The following NALCN variants were observed in gnomAD, a reference collection of about 807,000 sequenced individuals.
NALCN encodes sodium leak channel, non-selective.
A neutral mutation model predicts 225.3 loss-of-function variants in NALCN; 111 were observed. The observed-to-expected ratio is 0.49, with a 90% CI of 0.42 to 0.58. NALCN has a LOEUF of 0.58. Among genes scored for constraint, NALCN ranks in the 20% least tolerant of loss-of-function variants. NALCN has a pLI of 0.00. For synonymous variants in NALCN, 764 were observed against 769.0 expected (o/e 0.99, Z 0.11); for missense variants, 1,378 against 2,202.4 (o/e 0.63, Z 7.49).
intron 6 of NALCN, among the ~76,000 whole-genome samples, chr13:101,372,647 A>T (rs2139405531): frequency 6.6e-6 from 1 of 152,298 alleles, no homozygotes; most frequent in East Asian, 1.9e-4. Context: ...AATAATAAAA[A>T]TACAACATAT....
chr13:101,378,898 A>AT lies in NALCN; in HGVS notation c.292-246dup, dbSNP rs139408630. Among the ~76,000 whole-genome samples, 152 of 150,584 alleles carry AT rather than the reference A, an allele frequency of 1.0e-3. 1 individual carries two copies. The highest frequency in any genetic ancestry group is 1.7e-3 in the Non-Finnish European group (117 of 67,580). ...ATTCATGCAAAGGGAAAATATCACT[A>AT]TTTTTTTTTTCTCAGCCACACAAAT... On this transcript the variant is annotated intron_variant, in intron 3 of 43. Transcript: ENST00000251127.
At chr13:101,198,709 C>T (rs2039990040) in intron 13 of NALCN, among the ~76,000 whole-genome samples, 1 of 152,156 alleles carries the variant, frequency 6.6e-6, no homozygotes, top group South Asian at 2.1e-4. Flanking sequence ...CAAACTAGTT[C>T]AACCATTGTG....
intron 13 of NALCN, among the ~76,000 whole-genome samples, chr13:101,221,546 G>A (rs1223784633): frequency 6.6e-6 from 1 of 152,168 alleles, no homozygotes; most frequent in African/African-American, 2.4e-5. Flanking sequence ...TTTAGAGACA[G>A]CCATCACTAT....
chr13:101,114,934 G>A (rs748471164), intron 18 of NALCN, among the ~76,000 whole-genome samples: 9 of 152,118 alleles, frequency 5.9e-5, no homozygotes, highest in Middle Eastern at 3.4e-3. Context: ...CTTTTAGTTC[G>A]TCACATATGC....
intron 10 of NALCN, among the ~76,000 whole-genome samples, chr13:101,278,628 C>T (rs35521375): frequency 0.26 from 39,553 of 150,338 alleles, 5,531 homozygotes; most frequent in South Asian, 0.31. Context: ...TATATGCTTA[C>T]AAGATGAAAA....
rs573418728 is a variant in NALCN at position 101,136,302 on chromosome 13, A to ATTTG, written c.2118+6777_2118+6778insCAAA. Among the ~76,000 whole-genome samples, 6 of 5,016 alleles carry ATTTG rather than the reference A, an allele frequency of 1.2e-3. No individual in the cohort carries two copies. The African/African-American group carries it at 0.015, about 13-fold the overall frequency. 3.3% of individuals were successfully genotyped at this position (5,016 alleles called of 152,430 possible). On this transcript the variant is annotated intron_variant, in intron 17 of 43. Transcript: ENST00000251127. Reference sequence around the variant, plus strand: ...ATAGTACGCATCGTTTTATTTATTTATTTATTTATTTATATATTATACTTT... The same window carrying ATTTG: ...ATAGTACGCATCGTTTTATTTATTTATTTGTTTATTTATTTATATATTATACTTT...
intron 1 of NALCN, among the ~76,000 whole-genome samples, chr13:101,410,788 C>A (rs1005733659): frequency 6.6e-6 from 1 of 152,214 alleles, no homozygotes; most frequent in Admixed American, 6.5e-5. Flanking sequence ...AAAGCCGTAA[C>A]AATTTCTTTT....
intron 25 of NALCN, 120 bp from the exon 26 acceptor site, chr13:101,103,459 T>C (rs1594209299): frequency 1.6e-6 from 2 of 1,230,920 alleles, no homozygotes; most frequent in East Asian, 5.0e-5. Context: ...TGGTTGTACG[T>C]GCCATCTGTT....
chr13:101,407,883 A>C (rs924260294), intron 1 of NALCN, among the ~76,000 whole-genome samples: 32 of 152,364 alleles, frequency 2.1e-4, no homozygotes, highest in African/African-American at 6.7e-4. Flanking sequence ...AACATTAAAA[A>C]AATTTTCAGT....
intron 6 of NALCN, among the ~76,000 whole-genome samples, chr13:101,364,375 C>A (rs1479309721): frequency 6.6e-6 from 1 of 152,106 alleles, no homozygotes; most frequent in Admixed American, 6.6e-5. Context: ...TATATACACA[C>A]ACACAGTGTT....
intron 13 of NALCN, among the ~76,000 whole-genome samples, chr13:101,215,983 C>T (rs1039975118): frequency 2.6e-5 from 4 of 152,054 alleles, no homozygotes; most frequent in African/African-American, 9.7e-5. Flanking sequence ...AATGACAGCC[C>T]ATCATATTCA....
intron 6 of NALCN, among the ~76,000 whole-genome samples, chr13:101,356,508 C>T (rs1302840867): frequency 6.6e-6 from 1 of 151,964 alleles, no homozygotes; most frequent in Non-Finnish European, 1.5e-5. Context: ...CTAAATAAAC[C>T]AATAACAAGT....
chr13:101,387,555 A>G (rs1436641874), intron 3 of NALCN, among the ~76,000 whole-genome samples: 1 of 152,226 alleles, frequency 6.6e-6, no homozygotes, highest in Non-Finnish European at 1.5e-5. Flanking sequence ...GAGAAAATGC[A>G]GCACATATTT....
intron 7 of NALCN, among the ~76,000 whole-genome samples, chr13:101,299,512 C>T (rs778398771): frequency 3.9e-5 from 6 of 151,968 alleles, no homozygotes; most frequent in Non-Finnish European, 8.8e-5. Context: ...TCAGTATATT[C>T]ATAGAAAAAC....
intron 20 of NALCN, among the ~76,000 whole-genome samples, chr13:101,108,460 A>T (rs544191757): frequency 7.2e-5 from 11 of 152,328 alleles, no homozygotes; most frequent in African/African-American, 2.2e-4. Context: ...CCGATTTTTT[A>T]AAAAATCACA....
At chr13:101,366,968 A>T (rs1236509590) in intron 6 of NALCN, among the ~76,000 whole-genome samples, 3 of 151,884 alleles carry the variant, frequency 2.0e-5, no homozygotes, top group African/African-American at 7.3e-5. Context: ...GATAACCACC[A>T]TTGTCCTCTC....
At chr13:101,153,131 T>C (rs977089370) in intron 15 of NALCN, among the ~76,000 whole-genome samples, 1 of 152,212 alleles carries the variant, frequency 6.6e-6, no homozygotes, top group Non-Finnish European at 1.5e-5. Flanking sequence ...AGACATGGAT[T>C]TAAACTTTTG....
intron 15 of NALCN, among the ~76,000 whole-genome samples, chr13:101,149,886 C>T (rs1471618200): frequency 6.6e-6 from 1 of 152,212 alleles, no homozygotes; most frequent in East Asian, 1.9e-4. Flanking sequence ...GTAAATCCAG[C>T]AGCCCTGTGG....
intron 18 of NALCN, among the ~76,000 whole-genome samples, chr13:101,115,204 T>G (rs991083550): frequency 6.6e-6 from 1 of 152,054 alleles, no homozygotes; most frequent in Non-Finnish European, 1.5e-5. Flanking sequence ...CAAGTTAGAA[T>G]ATGATGCCAC....
Sources: allele counts gnomAD v4.1 joint callset (sites outside exome capture counted in the v4.1 genomes callset), GRCh38; gene constraint gnomAD v4.1.1; transcripts MANE v1.5; gene names NCBI Gene and HGNC (gene_info 2026-07-23, HGNC 2026-07-21).